Variants in DLG2 observed in about 807,000 individuals in gnomAD.
DLG2 encodes the protein discs large MAGUK scaffold protein 2.
Under a neutral mutation model 132.5 loss-of-function variants are expected in DLG2, and 45 were observed. The ratio of observed to expected loss-of-function variants is 0.34; its 90% CI spans 0.27 to 0.44. The LOEUF is 0.44. DLG2 is among the 20% of genes least tolerant of loss of function. The pLI, the probability that DLG2 is intolerant of heterozygous loss-of-function variation, is 1.00. For missense variants in DLG2, 1,045 were observed against 1,196.9 expected, an observed-to-expected ratio of 0.87 and a Z score of 1.87; for synonymous variants, 424 against 419.6, an observed-to-expected ratio of 1.01 and a Z score of -0.13.
chr11:84,981,351 TGAGG>T (rs2055710910), intron 6 of DLG2, among the ~76,000 whole-genome samples: 1 of 152,118 alleles, frequency 6.6e-6, no homozygotes, highest in African/African-American at 2.4e-5. Flanking sequence ...CTGAGAGTTA[TGAGG>T]AAGGGTCGTG....
At chr11:84,947,450 A>G (rs2050361726) in intron 6 of DLG2, among the ~76,000 whole-genome samples, 1 of 152,186 alleles carries the variant, frequency 6.6e-6, no homozygotes, top group African/African-American at 2.4e-5. Flanking sequence ...AAGAACAAAT[A>G]TTATCTGCAA....
intron 9 of DLG2, among the ~76,000 whole-genome samples, chr11:84,149,512 T>C (rs1229461483): frequency 6.6e-6 from 1 of 152,120 alleles, no homozygotes; most frequent in Non-Finnish European, 1.5e-5. Flanking sequence ...ACTTTGTCAA[T>C]GATCAGATGG....
intron 6 of DLG2, among the ~76,000 whole-genome samples, chr11:84,612,918 G>T (rs1212940902): frequency 6.6e-6 from 1 of 152,088 alleles, no homozygotes; most frequent in African/African-American, 2.4e-5. Flanking sequence ...TCACAAAAAA[G>T]ATTTTGTTCA....
chr11:83,715,692 G>C (rs1054118972), intron 18 of DLG2, among the ~76,000 whole-genome samples: 2 of 152,124 alleles, frequency 1.3e-5, no homozygotes, highest in Admixed American at 6.6e-5. Flanking sequence ...CGATTGTTCC[G>C]TGATCCTTCT....
chr11:84,373,801 G>A (rs529037956), intron 7 of DLG2, among the ~76,000 whole-genome samples: 80 of 152,034 alleles, frequency 5.3e-4, no homozygotes, highest in Non-Finnish European at 8.8e-4. Context: ...TTCAACTTCT[G>A]TTTTTCTCTA....
rs11826877 is a variant in DLG2 at position 83,821,897 on chromosome 11, T to C, written c.1722+11717A>G. Among the ~76,000 whole-genome samples the C allele has an allele frequency of 1.1e-3, 165 of 152,284 alleles. 1 individual carries two copies. Among genetic ancestry groups the C allele is most frequent in the African/African-American group, 3.9e-3 (160 of 41,558 alleles). On this transcript the variant is annotated intron_variant, in intron 17 of 27. Transcript: ENST00000376104. ...AACAAACTCTACCCTCAAGTTCCCATTCTATTGCATTCCTCTCTAGAGCAA... is the reference window on the plus strand; with the variant it reads ...AACAAACTCTACCCTCAAGTTCCCACTCTATTGCATTCCTCTCTAGAGCAA...
At chr11:83,720,226 G>A (rs1247451443) in intron 18 of DLG2, among the ~76,000 whole-genome samples, 11 of 137,604 alleles carry the variant, frequency 8.0e-5, no homozygotes, top group South Asian at 2.4e-4. Flanking sequence ...CCCAGGAGGC[G>A]GAGTTGCAAT....
intron 3 of DLG2, among the ~76,000 whole-genome samples, chr11:85,538,910 G>A (rs929033460): frequency 4.6e-5 from 7 of 151,794 alleles, no homozygotes; most frequent in African/African-American, 1.5e-4. Flanking sequence ...CTAGGTGATG[G>A]GTTGATAGGT....
At chr11:83,870,974 T>A (rs973381733) in intron 16 of DLG2, among the ~76,000 whole-genome samples, 1 of 152,186 alleles carries the variant, frequency 6.6e-6, no homozygotes, top group African/African-American at 2.4e-5. Flanking sequence ...TACAACCCTG[T>A]TTCCATAGGT....
At chr11:84,611,024 T>TACACACACACACACAC (rs10587472) in intron 6 of DLG2, among the ~76,000 whole-genome samples, 61 of 138,200 alleles carry the variant, frequency 4.4e-4, no homozygotes, top group African/African-American at 1.4e-3. Flanking sequence ...TTAGATGACA[T>TACACACACACACACAC]ACACACACAC....
chr11:83,913,238 G>T (rs529682077), intron 15 of DLG2, among the ~76,000 whole-genome samples: 1 of 152,088 alleles, frequency 6.6e-6, no homozygotes, highest in Non-Finnish European at 1.5e-5. Flanking sequence ...TAGATTGGGA[G>T]TCTCTTCAGG....
intron 6 of DLG2, among the ~76,000 whole-genome samples, chr11:84,921,143 T>C (rs1250756855): frequency 1.3e-5 from 2 of 152,150 alleles, no homozygotes; most frequent in Non-Finnish European, 2.9e-5. Context: ...GATGAAACTT[T>C]ATTGCACCAA....
chr11:84,664,862 C>T (rs1405535365), intron 6 of DLG2, among the ~76,000 whole-genome samples: 1 of 152,110 alleles, frequency 6.6e-6, no homozygotes, highest in Admixed American at 6.6e-5. Context: ...AACACCCCTC[C>T]ATTGTCCTTT....
At chr11:84,379,790 AAC>A (rs1162929694) in intron 7 of DLG2, among the ~76,000 whole-genome samples, 1 of 152,046 alleles carries the variant, frequency 6.6e-6, no homozygotes, top group African/African-American at 2.4e-5. Flanking sequence ...TAAAAAAAAA[AAC>A]AAGTTTGCTA....
In DLG2 at chr11:84,251,218, G is replaced by C. The variant is rs115553415; in HGVS notation, c.573+20C>G. 2.7e-5 allele frequency: 41 copies of C among 1,512,656 alleles called. No homozygotes were observed. The African/African-American group carries it at 4.9e-4, about 18-fold the overall frequency. 93.7% of individuals were successfully genotyped at this position (1,512,656 alleles called of 1,614,324 possible). On this transcript the variant is annotated intron_variant, in intron 8 of 27. Transcript: ENST00000376104. ...TCTACCACAGTTTTAAAAGAAGGTA[G>C]TAATGAAAAAGTTACTTACATAAGG...
chr11:85,144,884 G>A (rs991393449), intron 5 of DLG2, among the ~76,000 whole-genome samples: 4 of 152,088 alleles, frequency 2.6e-5, no homozygotes, highest in Admixed American at 2.0e-4. Context: ...GCAGTATTCT[G>A]TATTTGGCTG....
At chr11:84,201,469 TTA>T (rs995749965) in intron 8 of DLG2, among the ~76,000 whole-genome samples, 2 of 152,150 alleles carry the variant, frequency 1.3e-5, no homozygotes, top group Non-Finnish European at 2.9e-5. Context: ...ATAGAATGAG[TTA>T]GGGAGGAGTC....
chr11:85,470,725 C>T (rs2092958991), intron 3 of DLG2, among the ~76,000 whole-genome samples: 1 of 152,190 alleles, frequency 6.6e-6, no homozygotes, highest in South Asian at 2.1e-4. Context: ...GAGACTCTGT[C>T]TCAACCAAAA....
chr11:83,664,884 C>T (rs1193251085), intron 18 of DLG2, among the ~76,000 whole-genome samples: 5 of 152,190 alleles, frequency 3.3e-5, no homozygotes, highest in African/African-American at 1.2e-4. Context: ...TCCTGGAAGA[C>T]ACTATGAGTT....
Sources: allele counts gnomAD v4.1 joint callset (sites outside exome capture counted in the v4.1 genomes callset), GRCh38; gene constraint gnomAD v4.1.1; transcripts MANE v1.5; gene names NCBI Gene and HGNC (gene_info 2026-07-23, HGNC 2026-07-21).